The following ZNF398 variants were observed in gnomAD, a reference collection of about 807,000 sequenced individuals.
The protein encoded by ZNF398 is zinc finger protein 398, also known as zinc finger DNA binding protein ZER6.
ZNF398 carries 18 observed loss-of-function variants against 41.9 expected under a neutral mutation model. The ratio of observed to expected loss-of-function variants is 0.43; its 90% CI spans 0.30 to 0.64. The LOEUF (loss-of-function observed/expected upper bound fraction) is 0.64, where lower values mean the gene tolerates loss of function less well. ZNF398 is among the 30% of genes least tolerant of loss of function. The probability of loss-of-function intolerance (pLI) is 0.14; values close to 1 mark genes in which losing one functional copy is unlikely to be tolerated. For synonymous variants in ZNF398, 260 were observed against 308.8 expected, an observed-to-expected ratio of 0.84 and a Z score of 1.66; for missense variants, 669 against 822.8, an observed-to-expected ratio of 0.81 and a Z score of 2.29.
intron 2 of ZNF398, among the ~76,000 whole-genome samples, chr7:149,138,310 T>C (rs998752113): frequency 6.6e-6 from 1 of 152,154 alleles, no homozygotes; most frequent in Non-Finnish European, 1.5e-5. Flanking sequence ...CTGGGTGCAG[T>C]GGCTCACGCC....
Position 149,178,722 on chromosome 7 carries a change from T to C in ZNF398, c.850T>C (p.Ser284Pro), listed in dbSNP as rs779229880. 6 of 1,613,994 alleles carry C rather than the reference T, an allele frequency of 3.7e-6. No individual in the cohort carries two copies. Among genetic ancestry groups the C allele is most frequent in the Admixed American group, 3.3e-5 (2 of 59,992 alleles). Residue 284 changes from serine (S) to proline (P), a missense_variant, in exon 6 of 6, where the codon TCT (serine) becomes CCT (proline). Physicochemically the swap from Ser to Pro is moderately conservative, Grantham distance 74 (BLOSUM62 -1). Coordinates refer to ENST00000475153, the MANE Select transcript of ZNF398 (RefSeq NM_170686.3). ...LCPEVPVPFSSPPAAAKDAFS... is the reference protein window; with the variant it reads ...LCPEVPVPFSPPPAAAKDAFS... ...CCCTGAGGTTCCAGTCCCTTTCTCT[T>C]CTCCACCAGCAGCAGCAAAGGATGC...
intron 2 of ZNF398, among the ~76,000 whole-genome samples, chr7:149,135,951 C>T (rs1826703723): frequency 6.6e-6 from 1 of 151,880 alleles, no homozygotes; most frequent in South Asian, 2.1e-4. Flanking sequence ...GACTACGTCT[C>T]CAAAAACTAA....
chr7:149,138,067 G>C (rs1194149408), intron 2 of ZNF398, among the ~76,000 whole-genome samples: 3 of 152,028 alleles, frequency 2.0e-5, no homozygotes, highest in East Asian at 3.9e-4. Flanking sequence ...TGCGCATGGT[G>C]GCGCACGCCT....
chr7:149,148,360 C>A, intron 1 of ZNF398: 1 of 884,350 alleles, frequency 1.1e-6, no homozygotes, highest in Non-Finnish European at 1.4e-6. Context: ...CTGCGGGGGC[C>A]GGCAGCGGCC....
intron 2 of ZNF398, among the ~76,000 whole-genome samples, chr7:149,141,556 G>A (rs1456436278): frequency 2.1e-5 from 3 of 143,190 alleles, no homozygotes; most frequent in East Asian, 4.7e-4. Context: ...CCGAGTTAAT[G>A]CCATTCTCCT....
intron 4 of ZNF398, among the ~76,000 whole-genome samples, chr7:149,168,564 T>TTTA (rs142740926): frequency 4.6e-5 from 7 of 151,452 alleles, no homozygotes; most frequent in Admixed American, 2.0e-4. Flanking sequence ...CTGCCTCACA[T>TTTA]TTATTATTAT....
upstream of ZNF398, among the ~76,000 whole-genome samples, chr7:149,143,099 AATT>A (rs1324800440): frequency 2.0e-5 from 3 of 151,782 alleles, no homozygotes; most frequent in African/African-American, 7.3e-5. Flanking sequence ...TGTAATAGAC[AATT>A]ACTGGCCAGG....
At chr7:149,143,142 A>AAAAAG (rs10634333), upstream of ZNF398, among the ~76,000 whole-genome samples, 113,078 of 150,616 alleles carry the variant, frequency 0.75, 43,053 homozygotes, top group East Asian at 0.9. Flanking sequence ...CTCCATCTCA[A>AAAAAG]AAAAGAAAAG....
chr7:149,159,135 C>T (rs186698873), intron 2 of ZNF398, among the ~76,000 whole-genome samples: 11 of 151,392 alleles, frequency 7.3e-5, no homozygotes, highest in Admixed American at 5.9e-4. Context: ...TGTACCACCA[C>T]GCCTGGTTAA....
intron 2 of ZNF398, among the ~76,000 whole-genome samples, chr7:149,142,400 G>A (rs931999481): frequency 6.6e-6 from 1 of 152,160 alleles, no homozygotes; most frequent in Non-Finnish European, 1.5e-5. Context: ...GGGAGTGGTG[G>A]CTCACGCCTG....
Position 149,178,818 on chromosome 7 carries a change from C to G in ZNF398, c.946C>G (p.Leu316Val). ...MTPFGRPATD[L>V]PEASEGQVTF... ...ACCTTTTGGACGTCCAGCCACTGACCTGCCTGAAGCCTCTGAGGGACAAGT... is the reference window on the plus strand; with the variant it reads ...ACCTTTTGGACGTCCAGCCACTGACGTGCCTGAAGCCTCTGAGGGACAAGT... Residue 316 changes from leucine to valine, a missense_variant, in exon 6 of 6, where the codon CTG becomes GTG. Physicochemically the swap from Leu to Val is conservative, Grantham distance 32. Coordinates refer to ENST00000475153, the MANE Select transcript of ZNF398 (RefSeq NM_170686.3). 6.2e-7 allele frequency: 1 copy of G among 1,614,222 alleles called. No homozygotes were observed. The highest frequency in any genetic ancestry group is 1.1e-5 in the South Asian group (1 of 91,088).
At chr7:149,154,905 C>T (rs966748228) in intron 2 of ZNF398, among the ~76,000 whole-genome samples, 1 of 151,464 alleles carries the variant, frequency 6.6e-6, no homozygotes, top group East Asian at 1.9e-4. Context: ...TGGAGAATAG[C>T]TTGAACCCAG....
chr7:149,154,458 G>A, intron 2 of ZNF398, 118 bp downstream of exon 2: 1 of 1,187,586 alleles, frequency 8.4e-7, no homozygotes, highest in Non-Finnish European at 1.1e-6. Flanking sequence ...AAATATCTCA[G>A]TCTGAAAGAA....
At position 149,147,677 on chromosome 7, in the gene ZNF398, C is replaced by A; in HGVS notation, c.-66C>A. On this transcript the variant is annotated 5_prime_UTR_variant, in exon 1 of 6. Coordinates refer to ENST00000475153, the MANE Select transcript of ZNF398 (RefSeq NM_170686.3). This position sits in a 1 kb window ranked among gnomAD's most constrained non-coding sequence, Gnocchi z 5.6. ...ACCCGGCGGCCGGGCCTGCTTGGAG[C>A]CGGGCGCGGTGGCAGCGGCGGCAGC... is the stretch of plus-strand genomic sequence containing the variant. The A allele has an allele frequency of 7.9e-7, 1 of 1,270,012 alleles. No homozygotes were observed. Among genetic ancestry groups the A allele is most frequent in the Non-Finnish European group, 9.9e-7 (1 of 1,010,472 alleles). 78.7% of individuals were successfully genotyped at this position (1,270,012 alleles called of 1,614,324 possible). A position where few individuals can be genotyped will look rare whatever the true frequency, so the allele number is the denominator to read the frequency against.
At chr7:149,173,250 G>A (rs10271019) in intron 4 of ZNF398, among the ~76,000 whole-genome samples, 10 of 151,602 alleles carry the variant, frequency 6.6e-5, no homozygotes, top group South Asian at 2.1e-4. Context: ...GATTACAGGC[G>A]CCTACCACCA....
At position 149,148,418 on chromosome 7, in the gene ZNF398, C is replaced by G. The variant is rs975721241; in HGVS notation, c.24+652C>G. On this transcript the variant is annotated intron_variant, in intron 1 of 5. Coordinates refer to ENST00000475153, the MANE Select transcript of ZNF398 (RefSeq NM_170686.3). ...ACCGGGCCGCGCCTGCACGCAGCCC[C>G]GTAGAATGAGAAGGGGACGGTCAGG... 14 of 985,472 alleles carry G rather than the reference C, an allele frequency of 1.4e-5. No homozygotes were observed. The African/African-American group carries it at 1.9e-4, about 13-fold the overall frequency. 61.0% of individuals were successfully genotyped at this position (985,472 alleles called of 1,614,324 possible).
At chr7:149,173,091 C>CTTTTT in intron 4 of ZNF398, among the ~76,000 whole-genome samples, 1 of 67,194 alleles carries the variant, frequency 1.5e-5, no homozygotes, top group Non-Finnish European at 3.0e-5. Context: ...GTGGCAATTT[C>CTTTTT]TATTTTTTTT....
intron 2 of ZNF398, among the ~76,000 whole-genome samples, chr7:149,135,761 A>G (rs977065742): frequency 5.3e-5 from 8 of 152,102 alleles, no homozygotes; most frequent in African/African-American, 1.9e-4. Flanking sequence ...GTTGAAGATC[A>G]GCCTGGCCAA....
intron 1 of ZNF398, among the ~76,000 whole-genome samples, chr7:149,128,278 C>T (rs1056973886): frequency 1.1e-4 from 17 of 152,246 alleles, no homozygotes; most frequent in African/African-American, 3.6e-4. Context: ...GCGGTGCTTA[C>T]AGGTCACAGG....
Sources: allele counts gnomAD v4.1 joint callset (sites outside exome capture counted in the v4.1 genomes callset), GRCh38; gene constraint gnomAD v4.1.1; non-coding constraint Gnocchi (gnomAD v3.1); transcripts MANE v1.5; gene names NCBI Gene and HGNC (gene_info 2026-07-23, HGNC 2026-07-21).